Variants in SPHKAP observed in about 807,000 individuals in gnomAD.
SPHKAP encodes the protein A-kinase anchor protein SPHKAP.
Under a neutral mutation model 137.5 loss-of-function variants are expected in SPHKAP, and 67 were observed. That is an observed-to-expected ratio of 0.49 (90% CI 0.40 to 0.60). The LOEUF (loss-of-function observed/expected upper bound fraction) is 0.60, where lower values mean the gene tolerates loss of function less well. Ranked by LOEUF, SPHKAP falls within the 20% of genes least tolerant of loss-of-function variation. The probability of loss-of-function intolerance (pLI) is 0.00; values close to 1 mark genes in which losing one functional copy is unlikely to be tolerated. For missense variants in SPHKAP, 2,097 were observed against 2,069.3 expected (o/e 1.01, Z -0.26); for synonymous variants, 813 against 785.3 (o/e 1.04, Z -0.59).
intron 6 of SPHKAP, among the ~76,000 whole-genome samples, chr2:228,020,651 G>A (rs1011316422): frequency 6.6e-6 from 1 of 152,028 alleles, no homozygotes; most frequent in African/African-American, 2.4e-5. Flanking sequence ...CACCAACATG[G>A]CACATGTATA....
chr2:228,092,044 TAAAG>T (rs1559168464), intron 3 of SPHKAP, among the ~76,000 whole-genome samples: 1 of 151,352 alleles, frequency 6.6e-6, no homozygotes, highest in African/African-American at 2.4e-5. Context: ...AATAAGTGGA[TAAAG>T]AAATTGTGCA....
At chr2:228,073,932 GA>G (rs1697089442) in intron 3 of SPHKAP, among the ~76,000 whole-genome samples, 1 of 152,110 alleles carries the variant, frequency 6.6e-6, no homozygotes, top group East Asian at 1.9e-4. Flanking sequence ...GAGGACCAAA[GA>G]AAAACTCCCA....
chr2:228,059,429 A>G (rs999454509), intron 3 of SPHKAP, among the ~76,000 whole-genome samples: 1 of 152,202 alleles, frequency 6.6e-6, no homozygotes, highest in Admixed American at 6.6e-5. Context: ...TTCTATATCA[A>G]TTTCTACAAG....
intron 3 of SPHKAP, among the ~76,000 whole-genome samples, chr2:228,051,525 T>G (rs542787508): frequency 6.6e-6 from 1 of 152,046 alleles, no homozygotes; most frequent in Non-Finnish European, 1.5e-5. Flanking sequence ...CTGGTTCAAG[T>G]GGGGTTGAAA....
Position 227,995,618 on chromosome 2 carries a change from G to A in SPHKAP, c.4525C>T (p.Pro1509Ser), listed in dbSNP as rs776554607. The A allele has an allele frequency of 6.2e-7, 1 of 1,613,964 alleles. No homozygotes were observed. Reference protein sequence around the residue: ...EARAPDEAPNPPSSSEESTGS... With the variant: ...EARAPDEAPNSPSSSEESTGS... The stretch of plus-strand genomic sequence containing the variant: ...GTGCTCTCCTCGCTGCTGCTTGGAG[G>A]GTTGGGGGCCTCATCGGGGGCTCTG... Residue 1509 changes from proline to serine, a missense_variant, in exon 8 of 12, where the codon CCT becomes TCT. Transcript: ENST00000392056.
intron 3 of SPHKAP, among the ~76,000 whole-genome samples, chr2:228,041,852 T>C (rs1041751943): frequency 9.9e-5 from 15 of 151,888 alleles, no homozygotes; most frequent in Non-Finnish European, 2.1e-4. Context: ...TGCTCTCAGC[T>C]CCTATGCTGT....
intron 3 of SPHKAP, among the ~76,000 whole-genome samples, chr2:228,066,637 A>G (rs1309413454): frequency 6.6e-6 from 1 of 152,210 alleles, no homozygotes; most frequent in Non-Finnish European, 1.5e-5. Flanking sequence ...GCCAGGGCCC[A>G]GGGCTGTAAT....
intron 3 of SPHKAP, among the ~76,000 whole-genome samples, chr2:228,103,564 G>C (rs1347020498): frequency 6.6e-6 from 1 of 152,192 alleles, no homozygotes; most frequent in East Asian, 1.9e-4. Context: ...TCTGGTGGGG[G>C]CTGGGAGCTG....
At chr2:228,036,291 A>C (rs1695590720) in intron 3 of SPHKAP, among the ~76,000 whole-genome samples, 1 of 152,212 alleles carries the variant, frequency 6.6e-6, no homozygotes, top group African/African-American at 2.4e-5. Flanking sequence ...AATGCTCCTC[A>C]TCACTGGCCA....
rs4482474 is a variant in SPHKAP, at chr2:228,092,389, A to G, written c.246+16443T>C. Among the ~76,000 whole-genome samples, 457 of 110,146 alleles carry G rather than the reference A, an allele frequency of 4.1e-3. 9 individuals carry two copies. Among genetic ancestry groups the G allele is most frequent in the African/African-American group, 0.015 (427 of 28,126 alleles). The allele number at this position is 110,146 out of a possible 152,430, so 72.3% of individuals were successfully genotyped here. A position where few individuals can be genotyped will look rare whatever the true frequency, so the allele number is the denominator to read the frequency against. Reference sequence around the variant, plus strand: ...CATATACATACAGATATACATATATACATATATACACATATACACATATAT... The same window carrying G: ...CATATACATACAGATATACATATATGCATATATACACATATACACATATAT... On this transcript the variant is annotated intron_variant, in intron 3 of 11. Coordinates refer to ENST00000392056, the MANE Select transcript of SPHKAP (RefSeq NM_001142644.2).
intron 2 of SPHKAP, among the ~76,000 whole-genome samples, chr2:228,125,129 G>T (rs1699032477): frequency 6.6e-6 from 1 of 152,140 alleles, no homozygotes; most frequent in Admixed American, 6.6e-5. Context: ...AAAAGAGAGG[G>T]ATATTCCAGG....
At position 227,993,230 on chromosome 2, in the gene SPHKAP, T is replaced by G. The variant is rs1287219888; in HGVS notation, c.4721+304A>C. On this transcript the variant is annotated intron_variant, in intron 9 of 11. Coordinates refer to ENST00000392056, the MANE Select transcript of SPHKAP (RefSeq NM_001142644.2). ...ATTGAGTAGTCCTCTTTAGATGGCA[T>G]GGTATAATTTAAATGGGTTCTTGCT... 2.6e-5 allele frequency among the ~76,000 whole-genome samples: 4 copies of G among 152,204 alleles called. No individual in the cohort carries two copies. In the East Asian group the frequency reaches 7.7e-4, roughly 29 times the overall value.
chr2:228,070,785 A>G (rs757960953), intron 3 of SPHKAP, among the ~76,000 whole-genome samples: 2 of 152,102 alleles, frequency 1.3e-5, no homozygotes, highest in African/African-American at 2.4e-5. Context: ...TTTTATCAGG[A>G]TTCTCTTCCA....
In SPHKAP at chr2:228,019,474, A is replaced by G. The variant is rs10182830; in HGVS notation, c.1380T>C (p.Asp460=). The G allele has an allele frequency of 5.7e-4, 913 of 1,614,160 alleles. 11 individuals carry two copies. In the African/African-American group the frequency reaches 0.01, roughly 18 times the overall value. Residue 460 remains aspartate, a synonymous_variant, in exon 7 of 12, where the codon GAT becomes GAC. Transcript: ENST00000392056. ...IVVVQSPDGS[D]AAPQPGISSW... is the part of the protein sequence containing the mutation. ...AGGAGATGCCTGGCTGTGGGGCAGC[A>G]TCACTGCCATCTGGACTCTGAACAA...
At chr2:228,154,532 ATTTTTTTTTTTTTTT>A (rs1168623467) in intron 1 of SPHKAP, among the ~76,000 whole-genome samples, 1 of 29,406 alleles carries the variant, frequency 3.4e-5, no homozygotes, top group Non-Finnish European at 5.8e-5. Flanking sequence ...ATATATATAT[ATTTTTTTTTTTTTTT>A]TTTTTTTTTT....
intron 1 of SPHKAP, among the ~76,000 whole-genome samples, chr2:228,141,899 T>C (rs538326382): frequency 2.4e-4 from 37 of 152,312 alleles, no homozygotes; most frequent in African/African-American, 8.4e-4. Context: ...ATTAAAAATA[T>C]ATAATAACTA....
At chr2:228,131,343 AG>A (rs1699243135) in intron 2 of SPHKAP, 10 of 981,724 alleles carry the variant, frequency 1.0e-5, no homozygotes, top group Non-Finnish European at 1.2e-5. Flanking sequence ...CAGTGACAAA[AG>A]CATTAGATGG....
At chr2:228,172,036 T>TAA (rs138459705) in intron 1 of SPHKAP, among the ~76,000 whole-genome samples, 1 of 152,044 alleles carries the variant, frequency 6.6e-6, no homozygotes, top group East Asian at 1.9e-4. Context: ...TTGGATTTTG[T>TAA]GAAAAAATCT....
At chr2:228,113,830 CCTCCCTCT>C (rs1698609581) in intron 2 of SPHKAP, among the ~76,000 whole-genome samples, 2 of 152,030 alleles carry the variant, frequency 1.3e-5, no homozygotes, top group Admixed American at 6.6e-5. Context: ...TTTTGCTCCT[CCTCCCTCT>C]CCCTTTCTCA....
Sources: allele counts gnomAD v4.1 joint callset (sites outside exome capture counted in the v4.1 genomes callset), GRCh38; gene constraint gnomAD v4.1.1; transcripts MANE v1.5; gene names NCBI Gene and HGNC (gene_info 2026-07-23, HGNC 2026-07-21).